C2orf78: variants seen among roughly 807,000 people sequenced by gnomAD.
C2orf78 encodes the protein uncharacterized protein C2orf78.
C2orf78 carries 12 observed loss-of-function variants against 21.4 expected under a neutral mutation model. The observed-to-expected ratio is 0.56, with a 90% CI of 0.36 to 0.91. The LOEUF (loss-of-function observed/expected upper bound fraction) is 0.91. Among genes scored for constraint, C2orf78 ranks in the 40% least tolerant of loss-of-function variants. The pLI, the probability that C2orf78 is intolerant of heterozygous loss-of-function variation, is 0.01. For missense variants in C2orf78, 1,042 were observed against 1,092.4 expected (o/e 0.95, Z 0.65); for synonymous variants, 396 against 413.9 (o/e 0.96, Z 0.52).
intron 2 of C2orf78, 56 bp downstream of exon 2, chr2:73,814,282 CAA>C (rs912278009): frequency 1.0e-4 from 150 of 1,503,232 alleles, no homozygotes; most frequent in Admixed American, 4.3e-5. Context: ...AAAGGAGGGT[CAA>C]ATCTGTAGCG....
chr2:73,809,683 G>A (rs1450659796), intron 1 of C2orf78, among the ~76,000 whole-genome samples: 2 of 152,140 alleles, frequency 1.3e-5, no homozygotes, highest in Non-Finnish European at 2.9e-5. Flanking sequence ...AAGCTGAGGT[G>A]GGAGGATCAG....
At chr2:73,814,977 T>A in intron 2 of C2orf78, 94 bp from the exon 3 acceptor site, 1 of 1,250,264 alleles carries the variant, frequency 8.0e-7, no homozygotes, top group Non-Finnish European at 1.1e-6. Context: ...AGAAATGCCT[T>A]GCCCATGTTG....
intron 1 of C2orf78, among the ~76,000 whole-genome samples, chr2:73,810,674 A>AC (rs560969525): frequency 0.015 from 1,981 of 134,414 alleles, 78 homozygotes; most frequent in African/African-American, 0.053. Context: ...TATATAATAT[A>AC]ATAAAATATA....
intron 1 of C2orf78, among the ~76,000 whole-genome samples, chr2:73,810,602 T>TAC (rs1673063002): frequency 7.2e-6 from 1 of 138,464 alleles, no homozygotes; most frequent in Non-Finnish European, 1.5e-5. Flanking sequence ...ATACATAAAA[T>TAC]ATATATATTT....
chr2:73,816,313 G>A (rs773331498), exon 3 of C2orf78: 1 of 1,613,856 alleles, frequency 6.2e-7, no homozygotes, highest in South Asian at 1.1e-5. Context: ...CTAGATGGTA[G>A]TGCTGAAAAA....
chr2:73,808,834 A>T, intron 1 of C2orf78: 1 of 1,357,540 alleles, frequency 7.4e-7, no homozygotes, highest in Non-Finnish European at 1.0e-6. Flanking sequence ...CCACCCAGAC[A>T]TCCGCTAGTA....
chr2:73,816,759 C>T, exon 3 of C2orf78: 1 of 1,614,002 alleles, frequency 6.2e-7, no homozygotes, highest in Admixed American at 1.7e-5. Flanking sequence ...AAATCAATTT[C>T]TAATCCAAGA....
At chr2:73,816,474 C>G (rs758580664) in exon 3 of C2orf78, 1 of 1,613,884 alleles carries the variant, frequency 6.2e-7, no homozygotes, top group Non-Finnish European at 8.5e-7. Flanking sequence ...TGTGGCTTAC[C>G]CTGCTCGACC....
intron 1 of C2orf78, among the ~76,000 whole-genome samples, chr2:73,813,167 A>G (rs1363834450): frequency 6.6e-6 from 1 of 152,190 alleles, no homozygotes; most frequent in African/African-American, 2.4e-5. Flanking sequence ...ATGAGTCTAT[A>G]CTAGCCCAGA....
At chr2:73,816,425 T>C (rs1673199850) in exon 3 of C2orf78, 1 of 1,613,782 alleles carries the variant, frequency 6.2e-7, no homozygotes, top group Non-Finnish European at 8.5e-7. Context: ...CTCGACATGT[T>C]TCTCGGCGGC....
intron 1 of C2orf78, among the ~76,000 whole-genome samples, chr2:73,809,223 T>C (rs1673021897): frequency 6.6e-6 from 1 of 152,112 alleles, no homozygotes; most frequent in Non-Finnish European, 1.5e-5. Context: ...TCTGAGAGTG[T>C]TCATTTCAAC....
intron 1 of C2orf78, among the ~76,000 whole-genome samples, chr2:73,811,013 G>A (rs532908766): frequency 2.1e-4 from 31 of 148,164 alleles, no homozygotes; most frequent in African/African-American, 7.5e-4. Flanking sequence ...CCTCCAGGCC[G>A]AGCTCGGTGG....
intron 1 of C2orf78, among the ~76,000 whole-genome samples, chr2:73,785,990 G>A (rs1351954844): frequency 5.9e-5 from 9 of 151,922 alleles, no homozygotes; most frequent in Non-Finnish European, 1.2e-4. Context: ...AGGTTGTGGT[G>A]AGCCAAGATC....
chr2:73,813,518 C>A (rs774126811), exon 2 of C2orf78: 16 of 1,612,056 alleles, frequency 9.9e-6, no homozygotes, highest in Non-Finnish European at 1.3e-5. Context: ...TGCAAATTCT[C>A]GGCAGTTCTC....
exon 3 of C2orf78, chr2:73,815,996 G>C (rs372307654): frequency 9.3e-6 from 15 of 1,613,902 alleles, no homozygotes; most frequent in East Asian, 6.7e-5. Flanking sequence ...AGCAGTCAGG[G>C]AAAAAAGTCA....
intron 2 of C2orf78, among the ~76,000 whole-genome samples, chr2:73,814,764 G>C (rs1048546783): frequency 6.6e-6 from 1 of 152,174 alleles, no homozygotes; most frequent in African/African-American, 2.4e-5. Flanking sequence ...AGAGTGGAGA[G>C]AATTGAAAGG....
At chr2:73,813,427 A>G (rs907448036) in intron 1 of C2orf78, 50 bp from the exon 2 acceptor site, 2 of 1,487,872 alleles carry the variant, frequency 1.3e-6, no homozygotes, top group Non-Finnish European at 8.9e-7. Context: ...CAATAAGGTG[A>G]GAATTTTTCA....
At chr2:73,816,388 C>G in exon 3 of C2orf78, 1 of 1,613,870 alleles carries the variant, frequency 6.2e-7, no homozygotes, top group Non-Finnish European at 8.5e-7. Flanking sequence ...ATACCTTTGC[C>G]CTTTCTGACC....
chr2:73,816,656 G>T (rs757475199), exon 3 of C2orf78: 1 of 1,613,870 alleles, frequency 6.2e-7, no homozygotes, highest in South Asian at 1.1e-5. Flanking sequence ...CTGCTTCTAG[G>T]CCATCAGCCT....
Sources: allele counts gnomAD v4.1 joint callset (sites outside exome capture counted in the v4.1 genomes callset), GRCh38; gene constraint gnomAD v4.1.1; transcripts MANE v1.5; gene names NCBI Gene and HGNC (gene_info 2026-07-23, HGNC 2026-07-21).